The following IPO7 variants were observed in gnomAD, a reference collection of about 807,000 sequenced individuals.
IPO7 encodes importin-7.
Under a neutral mutation model 136.4 loss-of-function variants are expected in IPO7, and 13 were observed. That is an observed-to-expected ratio of 0.10 (90% confidence interval 0.06 to 0.15). The LOEUF is 0.15. Among genes scored for constraint, IPO7 ranks in the 10% least tolerant of loss-of-function variants. IPO7 has a pLI of 1.00. For missense variants in IPO7, 857 were observed against 1,240.6 expected, an observed-to-expected ratio of 0.69 and a Z score of 4.65; for synonymous variants, 403 against 404.4, an observed-to-expected ratio of 1.00 and a Z score of 0.04.
Position 9,447,966 on chromosome 11 carries a change from G to A in IPO7, c.*2772G>A, listed in dbSNP as rs1410127675. On this transcript the variant is annotated 3_prime_UTR_variant, in exon 25 of 25. Coordinates refer to ENST00000379719, the MANE Select transcript of IPO7 (RefSeq NM_006391.3). ...GTCCCAGATGTAGCCCCTGAAGCAA[G>A]CATAAAGAAAAATGAATTAAAAATT... is the stretch of plus-strand genomic sequence containing the variant. The A allele has an allele frequency of 6.6e-6, 1 of 151,986 alleles. No individual in the cohort carries two copies. The highest frequency in any genetic ancestry group is 1.9e-4 in the East Asian group (1 of 5,188). 9.4% of individuals were successfully genotyped at this position (151,986 alleles called of 1,614,324 possible). A position where few individuals can be genotyped will look rare whatever the true frequency, so the allele number is the denominator to read the frequency against.
At chr11:9,425,544 C>T (rs1855191920) in intron 12 of IPO7, among the ~76,000 whole-genome samples, 1 of 152,022 alleles carries the variant, frequency 6.6e-6, no homozygotes, top group Non-Finnish European at 1.5e-5. Flanking sequence ...AGTTGAAGAC[C>T]AGCCTGGCCA....
intron 13 of IPO7, 82 bp downstream of exon 13, chr11:9,428,711 T>C (rs1287465949): frequency 1.2e-5 from 10 of 838,752 alleles, no homozygotes; most frequent in East Asian, 2.4e-5. Context: ...AACTTTTAAA[T>C]GTTCACTTTG....
At chr11:9,433,921 C>G in intron 18 of IPO7, 75 bp downstream of exon 18, 1 of 1,239,156 alleles carries the variant, frequency 8.1e-7, no homozygotes, top group Non-Finnish European at 1.1e-6. Flanking sequence ...TTTGAACATA[C>G]ACTTTTTTTT....
chr11:9,432,081 G>A (rs1365050231), intron 16 of IPO7, among the ~76,000 whole-genome samples: 1 of 152,100 alleles, frequency 6.6e-6, no homozygotes, highest in African/African-American at 2.4e-5. Context: ...TCCCATAGAA[G>A]TAACACTGTC....
chr11:9,440,543 T>C lies in IPO7; in HGVS notation c.2784T>C (p.Asp928=), dbSNP rs373104388. 3.7e-6 allele frequency: 6 copies of C among 1,613,846 alleles called. No homozygotes were observed. The African/African-American group carries it at 8.0e-5, about 22-fold the overall frequency. ...CTAAGCAGGCTGGTGAAGATGGAGA[T>C]GATGAAGATTGGGAAGAAGATGATG... ...ILAKQAGEDG[D]DEDWEEDDAE... Residue 928 remains aspartate, a synonymous_variant, in exon 23 of 25, where the codon GAT becomes GAC. Transcript: ENST00000379719.
At chr11:9,394,971 T>G (rs572298819) in intron 1 of IPO7, among the ~76,000 whole-genome samples, 1 of 152,334 alleles carries the variant, frequency 6.6e-6, no homozygotes, top group Non-Finnish European at 1.5e-5. Context: ...TAGCCCTAAT[T>G]AATGATGTAT....
chr11:9,395,821 A>G (rs1187581280), intron 1 of IPO7, among the ~76,000 whole-genome samples: 2 of 151,428 alleles, frequency 1.3e-5, no homozygotes, highest in African/African-American at 4.9e-5. Flanking sequence ...AGTTCTAGTG[A>G]TTTTCCTGCC....
chr11:9,439,718 G>A (rs1198301075), intron 22 of IPO7, among the ~76,000 whole-genome samples: 1 of 146,870 alleles, frequency 6.8e-6, no homozygotes, highest in Non-Finnish European at 1.5e-5. Flanking sequence ...TGGGATTACA[G>A]GCGTGTGCCA....
At chr11:9,391,973 C>A (rs555158247) in intron 1 of IPO7, among the ~76,000 whole-genome samples, 3 of 151,942 alleles carry the variant, frequency 2.0e-5, no homozygotes, top group Admixed American at 2.0e-4. Context: ...GTCTTTGTTG[C>A]CCAGCCTTGA....
chr11:9,444,278 TA>T (rs750770620), intron 24 of IPO7, among the ~76,000 whole-genome samples: 21 of 107,058 alleles, frequency 2.0e-4, no homozygotes, highest in East Asian at 2.3e-4. Context: ...ACTCTGTCTC[TA>T]AAAAAAAAAA....
At chr11:9,407,870 A>G (rs995206867) in intron 2 of IPO7, among the ~76,000 whole-genome samples, 68 of 152,220 alleles carry the variant, frequency 4.5e-4, no homozygotes, top group African/African-American at 1.6e-3. Flanking sequence ...GGATTTTACC[A>G]CTTCATCAGT....
intron 5 of IPO7, among the ~76,000 whole-genome samples, chr11:9,415,975 A>G (rs533496974): frequency 7.4e-4 from 113 of 152,360 alleles, no homozygotes; most frequent in Middle Eastern, 3.4e-3. Context: ...AGAAGGATTT[A>G]TCTCATCTGC....
Position 9,429,071 on chromosome 11 carries a change from A to G in IPO7, c.1466A>G (p.Lys489Arg), listed in dbSNP as rs1438294610. The G allele has an allele frequency of 6.8e-6, 11 of 1,614,072 alleles. No individual in the cohort carries two copies. The highest frequency in any genetic ancestry group is 9.3e-6 in the Non-Finnish European group (11 of 1,179,928). ...CACTATTTTTGTGAAGTGAAGTTCAAAAGTGATCAGAACCTTCAAACAGCC... is the reference window on the plus strand; with the variant it reads ...CACTATTTTTGTGAAGTGAAGTTCAGAAGTGATCAGAACCTTCAAACAGCC... ...VLHYFCEVKF[K>R]SDQNLQTALE... is the part of the protein sequence containing the mutation. Residue 489 changes from lysine (K) to arginine (R), a missense_variant, in exon 14 of 25, where the codon AAA (lysine) becomes AGA (arginine). Physicochemically the swap from Lys to Arg is conservative, Grantham distance 26. Transcript: ENST00000379719.
At chr11:9,423,949 C>A in intron 10 of IPO7, 73 bp downstream of exon 10, 1 of 823,132 alleles carries the variant, frequency 1.2e-6, no homozygotes, top group South Asian at 1.4e-5. Context: ...TGTAGCCAAC[C>A]TAGGGGGTAT....
intron 1 of IPO7, among the ~76,000 whole-genome samples, chr11:9,390,632 T>G (rs1038069688): frequency 1.3e-5 from 2 of 152,192 alleles, no homozygotes; most frequent in Non-Finnish European, 1.5e-5. Flanking sequence ...GATAGCAAGT[T>G]ATTCAATGAT....
At chr11:9,397,333 T>TAAAA (rs1238499611) in intron 1 of IPO7, among the ~76,000 whole-genome samples, 6 of 52,920 alleles carry the variant, frequency 1.1e-4, no homozygotes, top group African/African-American at 4.0e-4. Flanking sequence ...AAAAATAATT[T>TAAAA]AAAAAAAAAT....
chr11:9,421,414 G>C (rs1448128930), intron 8 of IPO7, among the ~76,000 whole-genome samples: 1 of 151,134 alleles, frequency 6.6e-6, no homozygotes, highest in African/African-American at 2.4e-5. Context: ...CAGATCACGA[G>C]GTCAGGAGTT....
chr11:9,433,900 G>A (rs1252679241), intron 18 of IPO7, 54 bp downstream of exon 18: 6 of 1,449,628 alleles, frequency 4.1e-6, no homozygotes, highest in Non-Finnish European at 5.6e-6. Flanking sequence ...TGATTTATTT[G>A]TAGCTTATCA....
chr11:9,396,092 G>T (rs993537728), intron 1 of IPO7, among the ~76,000 whole-genome samples: 2 of 151,798 alleles, frequency 1.3e-5, no homozygotes, highest in Non-Finnish European at 2.9e-5. Flanking sequence ...AGGTAATAAG[G>T]TTAATAAAGT....
Sources: allele counts gnomAD v4.1 joint callset (sites outside exome capture counted in the v4.1 genomes callset), GRCh38; gene constraint gnomAD v4.1.1; transcripts MANE v1.5; gene names NCBI Gene and HGNC (gene_info 2026-07-23, HGNC 2026-07-21).